Variants in TTN observed in about 807,000 individuals in gnomAD.
TTN encodes titin, also known as connectin.
A neutral mutation model predicts 3,223.0 loss-of-function variants in TTN; 1,525 were observed. That is an observed-to-expected ratio of 0.47 (90% confidence interval 0.45 to 0.49). The LOEUF is 0.49. Among genes scored for constraint, TTN ranks in the 20% least tolerant of loss-of-function variants. TTN has a pLI of 0.00. For synonymous variants in TTN, 14,094 were observed against 15,161.0 expected, an observed-to-expected ratio of 0.93 and a Z score of 5.17; for missense variants, 40,786 against 43,424.0, an observed-to-expected ratio of 0.94 and a Z score of 5.40.
chr2:178,717,635 A>G lies in TTN; in HGVS notation c.25239T>C (p.Asn8413=). 1 of 1,613,402 alleles carries G rather than the reference A, an allele frequency of 6.2e-7. No homozygotes were observed. Among genetic ancestry groups the G allele is most frequent in the Non-Finnish European group, 8.5e-7 (1 of 1,179,590 alleles). The change falls in exon 87 of 363, where the codon AAT becomes AAC. Residue 8413 remains asparagine, a synonymous_variant. Coordinates refer to ENST00000589042, the MANE Select transcript of TTN (RefSeq NM_001267550.2). Reference sequence around the variant, plus strand: ...TTTGTAAAATCTGAAGAGTTGCTACATTATGAACAAAAGATGTCTGCAAAT... The same window carrying G: ...TTTGTAAAATCTGAAGAGTTGCTACGTTATGAACAAAAGATGTCTGCAAAT... The part of the protein sequence containing the change: ...DANLQTSFVH[N]VATLQILQTD...
chr2:178,797,743 T>C (rs1361575189), intron 6 of TTN, among the ~76,000 whole-genome samples: 2 of 152,160 alleles, frequency 1.3e-5, no homozygotes, highest in African/African-American at 4.8e-5. Flanking sequence ...TAAAATTTTT[T>C]CACAAGTGCT....
chr2:178,675,959 A>G lies in TTN; in HGVS notation c.34415T>C (p.Val11472Ala), dbSNP rs757391795. The change falls in exon 148 of 363, where the codon GTG becomes GCG. Residue 11472 changes from valine to alanine, a missense_variant. Val to Ala is a moderately conservative substitution (Grantham distance 64). Coordinates refer to ENST00000589042, the MANE Select transcript of TTN (RefSeq NM_001267550.2). Reference sequence around the variant, plus strand: ...AGCCTCCTCTTTCTTGGGAATGACCACTTTCTTCTCTGTCACTTTCTTCTT... The same window carrying G: ...AGCCTCCTCTTTCTTGGGAATGACCGCTTTCTTCTCTGTCACTTTCTTCTT... ...EIKKKVTEKK[V>A]VIPKKEEAPP... 3.1e-6 allele frequency: 5 copies of G among 1,607,358 alleles called. No individual in the cohort carries two copies. Among genetic ancestry groups the G allele is most frequent in the South Asian group, 2.2e-5 (2 of 89,758 alleles).
rs1223035214 is a variant in TTN at position 178,757,170 on chromosome 2, C to CCG, written c.10678+371_10678+372insCG. Among the ~76,000 whole-genome samples the CCG allele has an allele frequency of 2.2e-3, 329 of 151,752 alleles. 6 individuals carry two copies. Among genetic ancestry groups the CCG allele is most frequent in the African/African-American group, 7.6e-3 (310 of 41,022 alleles). On this transcript the variant is annotated intron_variant, in intron 45 of 362. Transcript: ENST00000589042. ...TATGCTTTAAGTACAGTAAGTAATA[C>CCG]TGTACTTACTTTAAGTACAGTAAGT...
chr2:178,777,347 A>G (rs201197310), intron 26 of TTN, 30 bp from the exon 27 acceptor site: 145 of 1,613,252 alleles, frequency 9.0e-5, no homozygotes, highest in Admixed American at 5.0e-5. Context: ...ATTTAGAGGG[A>G]GTAAGGCTGA....
intron 47 of TTN, chr2:178,748,545 T>G (rs1466981546): frequency 1.2e-6 from 2 of 1,612,954 alleles, no homozygotes; most frequent in Non-Finnish European, 1.7e-6. Context: ...TACATTTGTT[T>G]TAGATCAAAT....
In TTN at chr2:178,634,094, A is replaced by G. The variant is rs2060129861; in HGVS notation, c.42416-11T>C. On this transcript the variant is annotated splice_polypyrimidine_tract_variant and intron_variant, in intron 230 of 362. Coordinates refer to ENST00000589042, the MANE Select transcript of TTN (RefSeq NM_001267550.2). The surrounding 1 kb of genome is among the most constrained non-coding windows in gnomAD (Gnocchi z 4.6). ...ATTTCAGTCTTATACCTGAAATGCAAGCATAGATAATGCCTCAGAAACACA... is the reference window on the plus strand; with the variant it reads ...ATTTCAGTCTTATACCTGAAATGCAGGCATAGATAATGCCTCAGAAACACA... 4 of 1,611,572 alleles carry G rather than the reference A, an allele frequency of 2.5e-6. No homozygotes were observed. The highest frequency in any genetic ancestry group is 3.4e-6 in the Non-Finnish European group (4 of 1,179,234).
rs942083769 is a variant in TTN, at chr2:178,549,752, A to G, written c.91970T>C (p.Ile30657Thr). 4.3e-6 allele frequency: 7 copies of G among 1,613,630 alleles called. No homozygotes were observed. Among genetic ancestry groups the G allele is most frequent in the Admixed American group, 1.7e-5 (1 of 59,982 alleles). ...AAGTCTGCTGGTTTCCCGTTTTTCA[A>G]TGATGTAGTGGGTTATGGGAGCACA... ...DGCAPITHYI[I>T]EKRETSRLAW... Residue 30657 changes from isoleucine (I) to threonine (T), a missense_variant, in exon 338 of 363, where the codon ATT (isoleucine) becomes ACT (threonine). By Grantham distance (89) the Ile-to-Thr change is moderately conservative. Coordinates refer to ENST00000589042, the MANE Select transcript of TTN (RefSeq NM_001267550.2).
Position 178,775,193 on chromosome 2 carries a change from A to G in TTN, c.6518T>C (p.Leu2173Ser). Residue 2173 changes from leucine (L) to serine (S), a missense_variant, in exon 29 of 363, where the codon TTG becomes TCG. By Grantham distance (145) the Leu-to-Ser change is moderately radical (BLOSUM62 -2). Coordinates refer to ENST00000589042, the MANE Select transcript of TTN (RefSeq NM_001267550.2). ...HAFLLVQAKQ[L>S]ITFTQELQDV... ...TTGTAATTCCTGTGTGAAAGTGATC[A>G]ATTGCTTGGCTACAAGAAAAAGGTG... 6.2e-7 allele frequency: 1 copy of G among 1,613,956 alleles called. No homozygotes were observed. Among genetic ancestry groups the G allele is most frequent in the Non-Finnish European group, 8.5e-7 (1 of 1,179,970 alleles).
intron 12 of TTN, 43 bp downstream of exon 12, chr2:178,789,935 A>G: frequency 6.2e-7 from 1 of 1,609,988 alleles, no homozygotes; most frequent in Non-Finnish European, 8.5e-7. Flanking sequence ...ACTAGAAATT[A>G]GTTTAAAGAT....
chr2:178,610,802 C>T (rs889766807), intron 270 of TTN, among the ~76,000 whole-genome samples, 191 bp downstream of exon 270: 1 of 151,942 alleles, frequency 6.6e-6, no homozygotes, highest in Non-Finnish European at 1.5e-5. Flanking sequence ...ATAAATTAGT[C>T]TAATAAGCGT....
rs1553809647 is a variant in TTN, at chr2:178,672,277, C to T, written c.34931-10G>A. ...TCAAGGACAGTTCTCCCTGAAAGAG[C>T]ATCTATTTTAAGACTTATTTTTTTA... is the stretch of plus-strand genomic sequence containing the variant. On this transcript the variant is annotated splice_polypyrimidine_tract_variant and intron_variant, in intron 154 of 362. Coordinates refer to ENST00000589042, the MANE Select transcript of TTN (RefSeq NM_001267550.2). 1 of 1,592,174 alleles carries T rather than the reference C, an allele frequency of 6.3e-7. No homozygotes were observed. Among genetic ancestry groups the T allele is most frequent in the African/African-American group, 1.4e-5 (1 of 73,646 alleles).
Position 178,710,687 on chromosome 2 carries a change from A to G in TTN, c.28410T>C (p.Tyr9470=). The part of the protein sequence containing the change: ...DKGDSGQYTC[Y]AVNEVGKDSC... ...AGTCTTTTCCCACTTCATTCACAGC[A>G]TAGCAGGTATATTGTCCAGAATCTC... Residue 9470 remains tyrosine, a synonymous_variant, in exon 98 of 363, where the codon TAT becomes TAC. Coordinates refer to ENST00000589042, the MANE Select transcript of TTN (RefSeq NM_001267550.2). The G allele has an allele frequency of 6.2e-7, 1 of 1,613,398 alleles. No individual in the cohort carries two copies. Among genetic ancestry groups the G allele is most frequent in the Non-Finnish European group, 8.5e-7 (1 of 1,179,788 alleles).
At chr2:178,764,083 G>A in intron 43 of TTN, 94 bp downstream of exon 43, 2 of 1,550,284 alleles carry the variant, frequency 1.3e-6, no homozygotes, top group South Asian at 1.1e-5. Context: ...TTATGCATGA[G>A]AGATGTTTGT....
At chr2:178,728,030 C>T (rs932083257) in intron 67 of TTN, 80 bp downstream of exon 67, 3 of 1,450,510 alleles carry the variant, frequency 2.1e-6, no homozygotes, top group Non-Finnish European at 2.7e-6. Flanking sequence ...GATTTTAGCT[C>T]TAAAGGATAC....
At position 178,542,370 on chromosome 2, in the gene TTN, G is replaced by A. The variant is rs376810671; in HGVS notation, c.97386C>T (p.Thr32462=). 5.4e-4 allele frequency: 876 copies of A among 1,613,484 alleles called. No homozygotes were observed. In the Middle Eastern group the frequency reaches 5.8e-3, roughly 11 times the overall value. Residue 32462 remains threonine (T), a synonymous_variant, in exon 349 of 363, where the codon ACC becomes ACT. Coordinates refer to ENST00000589042, the MANE Select transcript of TTN (RefSeq NM_001267550.2). ...ESVTRSTFKF[T]RLTEGNEYVF... ...CATACTCATTTCCTTCGGTGAGTCT[G>A]GTAAACTTAAACGTGGACCTAGTCA...
rs376403708 is a variant in TTN at position 178,535,135 on chromosome 2, C to T, written c.101480G>A (p.Arg33827His). The T allele has an allele frequency of 1.6e-4, 254 of 1,613,822 alleles. No homozygotes were observed. The highest frequency in any genetic ancestry group is 2.8e-4 in the Admixed American group (17 of 60,012). Residue 33827 changes from arginine (R) to histidine (H), a missense_variant, in exon 358 of 363, where the codon CGT (arginine) becomes CAT (histidine). Transcript: ENST00000589042. ...ACGATGGACAATTCCAAACTCACCA[C>T]GCCCAAGATCTTCAGCAATCATATA... is the stretch of plus-strand genomic sequence containing the variant. ...EKYMIAEDLGRGEFGIVHRCV... is the reference protein window; with the variant it reads ...EKYMIAEDLGHGEFGIVHRCV...
Position 178,785,989 on chromosome 2 carries a change from G to C in TTN, c.2229C>G (p.Ala743=). ...LEYGYKERIS[A]AKVAEPPQRP... Reference sequence around the variant, plus strand: ...GTTGGGGAGGCTCAGCTACCTTTGCGGCGGAAATGCGTTCCTTATATCCGT... The same window carrying C: ...GTTGGGGAGGCTCAGCTACCTTTGCCGCGGAAATGCGTTCCTTATATCCGT... Residue 743 remains alanine (A), a synonymous_variant, in exon 14 of 363, where the codon GCC becomes GCG. Transcript: ENST00000589042. 6.2e-7 allele frequency: 1 copy of C among 1,614,056 alleles called. No homozygotes were observed. Among genetic ancestry groups the C allele is most frequent in the Non-Finnish European group, 8.5e-7 (1 of 1,180,000 alleles).
rs202238743 is a variant in TTN at position 178,535,857 on chromosome 2, A to AG, written c.100766-9dup. 482 of 1,480,240 alleles carry AG rather than the reference A, an allele frequency of 3.3e-4. No homozygotes were observed. The highest frequency in any genetic ancestry group is 4.2e-4 in the Admixed American group (17 of 40,734). 91.7% of individuals were successfully genotyped at this position (1,480,240 alleles called of 1,614,324 possible). A position where few individuals can be genotyped will look rare whatever the true frequency, so the allele number is the denominator to read the frequency against. Reference sequence around the variant, plus strand: ...AGTGTATCTTAGCTGGAACTGTATCAGAAAAAAAAAAAAAAAGAATATAAT... The same window carrying AG: ...AGTGTATCTTAGCTGGAACTGTATCAGGAAAAAAAAAAAAAAAGAATATAAT... On this transcript the variant is annotated splice_polypyrimidine_tract_variant and intron_variant, in intron 357 of 362. Transcript: ENST00000589042.
chr2:178,786,674 G>A (rs748421735), intron 13 of TTN, among the ~76,000 whole-genome samples: 21 of 152,188 alleles, frequency 1.4e-4, no homozygotes, highest in Middle Eastern at 3.2e-3. Flanking sequence ...CAAACACAGA[G>A]TGAGCATATG....
Sources: gnomAD v4.1 joint callset for allele counts (sites outside exome capture counted in the v4.1 genomes callset) on GRCh38, gnomAD v4.1.1 for gene constraint, Gnocchi (gnomAD v3.1) non-coding constraint, MANE v1.5 for transcripts, NCBI Gene and HGNC (gene_info 2026-07-23, HGNC 2026-07-21) for gene names.